The following FAM184B variants were observed in gnomAD, a reference collection of about 807,000 sequenced individuals.
FAM184B encodes family with sequence similarity 184 member B.
FAM184B carries 111 observed loss-of-function variants against 135.9 expected under a neutral mutation model. The observed-to-expected ratio is 0.82, with a 90% confidence interval of 0.70 to 0.96. The LOEUF (loss-of-function observed/expected upper bound fraction) is 0.96, where lower values mean the gene tolerates loss of function less well. Ranked by LOEUF, FAM184B falls within the 40% of genes least tolerant of loss-of-function variation. FAM184B has a pLI of 0.00. For missense variants in FAM184B, 1,375 were observed against 1,323.9 expected, an observed-to-expected ratio of 1.04 and a Z score of -0.60; for synonymous variants, 552 against 524.8, an observed-to-expected ratio of 1.05 and a Z score of -0.71.
intron 12 of FAM184B, among the ~76,000 whole-genome samples, chr4:17,644,178 G>A (rs1271282824): frequency 6.6e-6 from 1 of 152,208 alleles, no homozygotes; most frequent in Non-Finnish European, 1.5e-5. Flanking sequence ...GCTTTTCAAT[G>A]CCAAGTTGAA....
chr4:17,702,163 G>A (rs974333954), intron 5 of FAM184B, among the ~76,000 whole-genome samples: 8 of 152,166 alleles, frequency 5.3e-5, no homozygotes, highest in Non-Finnish European at 8.8e-5. Context: ...GCCAAGCCCA[G>A]TTCCTTGGTC....
At chr4:17,721,913 C>G (rs183298390) in intron 1 of FAM184B, among the ~76,000 whole-genome samples, 1 of 152,310 alleles carries the variant, frequency 6.6e-6, no homozygotes, top group East Asian at 1.9e-4. Context: ...TCACAAGATT[C>G]GGCCTCTTGG....
At chr4:17,713,654 GT>G (rs1717338381) in intron 1 of FAM184B, among the ~76,000 whole-genome samples, 1 of 152,212 alleles carries the variant, frequency 6.6e-6, no homozygotes, top group African/African-American at 2.4e-5. Context: ...GTTCAGAGAA[GT>G]TCAGTAGCTT....
In FAM184B at chr4:17,639,202, G is replaced by A. The variant is rs921203560; in HGVS notation, c.2666+48C>T. 15 of 1,537,612 alleles carry A rather than the reference G, an allele frequency of 9.8e-6. 1 individual carries two copies. The highest frequency in any genetic ancestry group is 1.7e-4 in the Middle Eastern group (1 of 5,978). ...ATTGGGGTGAGTTGGCCACCCTACT[G>A]AATGGTACATTTGCAAGACCCTCCC... On this transcript the variant is annotated intron_variant, in intron 14 of 17. Coordinates refer to ENST00000265018, the MANE Select transcript of FAM184B (RefSeq NM_015688.2).
intron 1 of FAM184B, among the ~76,000 whole-genome samples, chr4:17,755,857 A>T (rs975111526): frequency 2.6e-5 from 4 of 152,192 alleles, no homozygotes; most frequent in African/African-American, 9.7e-5. Flanking sequence ...GAACCGAATG[A>T]TGAAAACACA....
At chr4:17,776,833 A>C (rs1718937346) in intron 1 of FAM184B, among the ~76,000 whole-genome samples, 1 of 152,174 alleles carries the variant, frequency 6.6e-6, no homozygotes, top group South Asian at 2.1e-4. Flanking sequence ...AAGCTAGGTG[A>C]GTGCACAGTG....
intron 1 of FAM184B, among the ~76,000 whole-genome samples, chr4:17,742,806 C>A (rs1377485909): frequency 6.6e-6 from 1 of 152,210 alleles, no homozygotes; most frequent in Non-Finnish European, 1.5e-5. Flanking sequence ...TTCATGTGAC[C>A]TGATTCTTCC....
At chr4:17,635,140 A>T in intron 15 of FAM184B, 27 bp from the exon 16 acceptor site, 2 of 1,519,526 alleles carry the variant, frequency 1.3e-6, no homozygotes, top group East Asian at 4.9e-5. Context: ...ACTGAGTCTA[A>T]ATGAGCCTAA....
intron 1 of FAM184B, among the ~76,000 whole-genome samples, chr4:17,756,761 C>A (rs898863515): frequency 1.3e-5 from 2 of 152,106 alleles, no homozygotes; most frequent in African/African-American, 2.4e-5. Flanking sequence ...CCTGTCTCTA[C>A]TAAAAATACA....
chr4:17,732,828 T>G (rs1283587312), intron 1 of FAM184B, among the ~76,000 whole-genome samples: 1 of 152,108 alleles, frequency 6.6e-6, no homozygotes, highest in African/African-American at 2.4e-5. Flanking sequence ...CCTCCCTAAC[T>G]CATTTTATGA....
intron 10 of FAM184B, among the ~76,000 whole-genome samples, chr4:17,657,366 C>T (rs557545939): frequency 9.2e-5 from 14 of 152,196 alleles, no homozygotes; most frequent in Non-Finnish European, 2.1e-4. Context: ...GCAGCAAAAC[C>T]AGACTCCTCA....
intron 1 of FAM184B, among the ~76,000 whole-genome samples, chr4:17,725,238 A>G (rs1231723066): frequency 1.3e-5 from 2 of 152,190 alleles, no homozygotes; most frequent in Non-Finnish European, 2.9e-5. Flanking sequence ...CCAGGATTTA[A>G]CAGATGGTAA....
intron 1 of FAM184B, among the ~76,000 whole-genome samples, chr4:17,713,513 G>A (rs1229111117): frequency 6.6e-6 from 1 of 152,192 alleles, no homozygotes; most frequent in Non-Finnish European, 1.5e-5. Flanking sequence ...TATAATTTAT[G>A]TTAATAACAG....
chr4:17,760,291 C>T (rs1036785027), intron 1 of FAM184B, among the ~76,000 whole-genome samples: 2 of 151,896 alleles, frequency 1.3e-5, no homozygotes, highest in Admixed American at 6.6e-5. Context: ...TGGTGAAAAC[C>T]CATCTCTACT....
rs141128736 is a variant in FAM184B, at chr4:17,734,104, G to T, written c.142-24460C>A. Among the ~76,000 whole-genome samples the T allele has an allele frequency of 4.5e-3, 684 of 152,280 alleles. 26 individuals carry two copies. The East Asian group carries it at 0.084, about 19-fold the overall frequency. On this transcript the variant is annotated intron_variant, in intron 1 of 17. Coordinates refer to ENST00000265018, the MANE Select transcript of FAM184B (RefSeq NM_015688.2). ...GAAAGGATTCCCTATTTAATAAATGGTGCTGGGAAAACTGGCTGGCCACAT... is the reference window on the plus strand; with the variant it reads ...GAAAGGATTCCCTATTTAATAAATGTTGCTGGGAAAACTGGCTGGCCACAT...
intron 1 of FAM184B, among the ~76,000 whole-genome samples, chr4:17,742,159 TATA>T (rs1718059585): frequency 8.7e-6 from 1 of 114,708 alleles, no homozygotes; most frequent in African/African-American, 3.4e-5. Flanking sequence ...TATATATATA[TATA>T]TATATATTTT....
At chr4:17,673,648 T>C (rs2108948926) in intron 7 of FAM184B, among the ~76,000 whole-genome samples, 1 of 152,214 alleles carries the variant, frequency 6.6e-6, no homozygotes, top group Admixed American at 6.5e-5. Flanking sequence ...TTATTCTAAG[T>C]GAAATAACTC....
intron 1 of FAM184B, among the ~76,000 whole-genome samples, chr4:17,773,459 C>T (rs993890219): frequency 2.0e-5 from 3 of 152,220 alleles, no homozygotes; most frequent in Non-Finnish European, 2.9e-5. Context: ...AAGACGCCTG[C>T]GCATTTCTTC....
At chr4:17,641,143 A>G (rs1048429230) in intron 13 of FAM184B, among the ~76,000 whole-genome samples, 5 of 152,134 alleles carry the variant, frequency 3.3e-5, no homozygotes, top group Non-Finnish European at 5.9e-5. Context: ...TATGTTGCCC[A>G]GGCTGGTCTT....
Sources: gnomAD v4.1 joint callset for allele counts (sites outside exome capture counted in the v4.1 genomes callset) on GRCh38, gnomAD v4.1.1 for gene constraint, MANE v1.5 for transcripts, NCBI Gene and HGNC (gene_info 2026-07-23, HGNC 2026-07-21) for gene names.